The following FOXP2 variants were observed in gnomAD, a reference collection of about 807,000 sequenced individuals.
FOXP2 encodes the protein forkhead box protein P2.
FOXP2 carries 12 observed loss-of-function variants against 115.8 expected under a neutral mutation model. The ratio of observed to expected loss-of-function variants is 0.10; its 90% CI spans 0.07 to 0.17. FOXP2 has a LOEUF of 0.17. Among genes scored for constraint, FOXP2 ranks in the 10% least tolerant of loss-of-function variants. The pLI, the probability that FOXP2 is intolerant of heterozygous loss-of-function variation, is 1.00. For synonymous variants in FOXP2, 328 were observed against 297.7 expected, an observed-to-expected ratio of 1.10 and a Z score of -1.05; for missense variants, 629 against 843.5, an observed-to-expected ratio of 0.75 and a Z score of 3.15.
chr7:114,278,400 G>T (rs1219409917), intron 1 of FOXP2, among the ~76,000 whole-genome samples: 3 of 151,500 alleles, frequency 2.0e-5, no homozygotes, highest in Non-Finnish European at 4.4e-5. Flanking sequence ...CTGTCACCCA[G>T]GCTGGAGTGC....
At chr7:114,687,165 G>GT (rs2129352979) in intron 16 of FOXP2, among the ~76,000 whole-genome samples, 1 of 152,200 alleles carries the variant, frequency 6.6e-6, no homozygotes, top group Admixed American at 6.5e-5. Context: ...TTTCCATTTA[G>GT]TTTACGGGAG....
chr7:114,629,654 T>C, intron 4 of FOXP2, 151 bp from the exon 5 acceptor site: 1 of 1,597,854 alleles, frequency 6.3e-7, no homozygotes, highest in Non-Finnish European at 8.5e-7. Context: ...TATGTAGAGC[T>C]GTCTCTTTGA....
intron 1 of FOXP2, among the ~76,000 whole-genome samples, chr7:114,286,187 A>C (rs1796462334): frequency 6.6e-6 from 1 of 151,958 alleles, no homozygotes. Context: ...TGATGTTATT[A>C]TATATAACAC....
chr7:114,145,418 G>T (rs573512414), intron 1 of FOXP2, among the ~76,000 whole-genome samples: 3 of 95,808 alleles, frequency 3.1e-5, no homozygotes, highest in African/African-American at 9.5e-5. Flanking sequence ...TTTTAAAATA[G>T]TAGCTTTGCC....
intron 1 of FOXP2, among the ~76,000 whole-genome samples, chr7:114,230,198 C>A (rs1403181232): frequency 1.3e-5 from 2 of 151,786 alleles, no homozygotes; most frequent in Middle Eastern, 3.2e-3. Context: ...AAAATCAAAA[C>A]AGAGTTATAA....
chr7:114,471,678 G>A (rs546353451), intron 2 of FOXP2, among the ~76,000 whole-genome samples: 12 of 151,910 alleles, frequency 7.9e-5, no homozygotes, highest in South Asian at 2.1e-4. Flanking sequence ...AGCCAGGTGC[G>A]GTGGTTCACG....
At chr7:114,335,493 A>G (rs138069343) in intron 2 of FOXP2, among the ~76,000 whole-genome samples, 1,672 of 152,036 alleles carry the variant, frequency 0.011, 31 homozygotes, top group African/African-American at 0.038. Context: ...TTTTTAAAAT[A>G]GTATATTTTA....
At chr7:114,388,390 A>G (rs1031960681) in intron 2 of FOXP2, among the ~76,000 whole-genome samples, 2 of 121,896 alleles carry the variant, frequency 1.6e-5, no homozygotes, top group African/African-American at 2.5e-5. Flanking sequence ...CAAGGAACTT[A>G]TCTCTTTTTT....
At chr7:114,099,120 G>A (rs954095980) in intron 1 of FOXP2, among the ~76,000 whole-genome samples, 2 of 152,094 alleles carry the variant, frequency 1.3e-5, no homozygotes, top group Admixed American at 6.6e-5. Flanking sequence ...GGGCGACAGA[G>A]CATGACCCTG....
rs187041644 is a variant in FOXP2, at chr7:114,435,070, A to G, written c.168+8391A>G. ...CATAACGGAAGTTGCCTTAACTTCA[A>G]TTGTGAATGTGGAATTTGGAAATTC... On this transcript the variant is annotated intron_variant, in intron 2 of 16. Coordinates refer to ENST00000350908, the MANE Select transcript of FOXP2 (RefSeq NM_014491.4). 3.3e-5 allele frequency among the ~76,000 whole-genome samples: 5 copies of G among 152,300 alleles called. No individual in the cohort carries two copies. In the South Asian group the frequency reaches 6.2e-4, roughly 19 times the overall value.
chr7:114,521,007 T>C (rs1050129797), intron 2 of FOXP2, among the ~76,000 whole-genome samples: 1 of 152,138 alleles, frequency 6.6e-6, no homozygotes, highest in Non-Finnish European at 1.5e-5. Context: ...TCTAAATATC[T>C]ATCAGAAGAG....
chr7:114,628,229 TG>T (rs1440757815), intron 3 of FOXP2, among the ~76,000 whole-genome samples: 1 of 152,152 alleles, frequency 6.6e-6, no homozygotes, highest in African/African-American at 2.4e-5. Context: ...TATGAAATAT[TG>T]AGAACACCAC....
intron 2 of FOXP2, among the ~76,000 whole-genome samples, chr7:114,300,898 CA>C (rs1384009331): frequency 6.6e-6 from 1 of 151,946 alleles, no homozygotes; most frequent in Admixed American, 6.6e-5. Context: ...AATCCTAAGA[CA>C]GAGCTGACTA....
intron 3 of FOXP2, among the ~76,000 whole-genome samples, chr7:114,560,570 T>C (rs1406900678): frequency 6.6e-6 from 1 of 152,092 alleles, no homozygotes; most frequent in Non-Finnish European, 1.5e-5. Flanking sequence ...GAGTTGAGAT[T>C]GTGCCACTGC....
At chr7:114,233,855 G>A (rs940622165) in intron 1 of FOXP2, among the ~76,000 whole-genome samples, 3 of 151,990 alleles carry the variant, frequency 2.0e-5, no homozygotes, top group Non-Finnish European at 4.4e-5. Flanking sequence ...TCTACTAAAA[G>A]TACAAAAATT....
At position 114,303,844 on chromosome 7, in the gene FOXP2, T is replaced by C. The variant is rs117054857; in HGVS notation, c.-11+15735T>C. ...AAACAAAGTATATAAAAGTAGAACA[T>C]TGACTATATAAACTGATGCTCTAAG... On this transcript the variant is annotated intron_variant, in intron 2 of 17. Coordinates refer to the FOXP2 transcript ENST00000634411. 1.0e-3 allele frequency among the ~76,000 whole-genome samples: 159 copies of C among 152,268 alleles called. 4 individuals carry two copies. The East Asian group carries it at 0.025, about 24-fold the overall frequency.
intron 3 of FOXP2, among the ~76,000 whole-genome samples, chr7:114,592,261 T>G (rs1457655064): frequency 6.6e-6 from 1 of 152,092 alleles, no homozygotes; most frequent in Admixed American, 6.6e-5. Context: ...AAAAATAATA[T>G]TCATATGTAG....
At chr7:114,284,590 A>G (rs544841770) in intron 1 of FOXP2, among the ~76,000 whole-genome samples, 32 of 152,302 alleles carry the variant, frequency 2.1e-4, no homozygotes, top group Middle Eastern at 3.4e-3. Context: ...GAAAAAAAGG[A>G]ATGCTTATAC....
At chr7:114,534,321 A>T (rs1349054306) in intron 2 of FOXP2, among the ~76,000 whole-genome samples, 1 of 151,896 alleles carries the variant, frequency 6.6e-6, no homozygotes, top group East Asian at 1.9e-4. Flanking sequence ...CTCAAAGACA[A>T]GTTCCTTGTG....
Sources: gnomAD v4.1 joint callset for allele counts (sites outside exome capture counted in the v4.1 genomes callset) on GRCh38, gnomAD v4.1.1 for gene constraint, MANE v1.5 for transcripts, NCBI Gene and HGNC (gene_info 2026-07-23, HGNC 2026-07-21) for gene names.